Variants in TG observed in about 807,000 individuals in gnomAD.
TG encodes the protein thyroid hormones.
A neutral mutation model predicts 324.7 loss-of-function variants in TG; 270 were observed. The ratio of observed to expected loss-of-function variants is 0.83; its 90% CI spans 0.75 to 0.92. The LOEUF (loss-of-function observed/expected upper bound fraction) is 0.92, where lower values mean the gene tolerates loss of function less well. Ranked by LOEUF, TG falls within the 40% of genes least tolerant of loss-of-function variation. The pLI is 0.00. For synonymous variants in TG, 1,401 were observed against 1,327.0 expected (o/e 1.06, Z -1.21); for missense variants, 3,591 against 3,456.4 (o/e 1.04, Z -0.98).
intron 41 of TG, among the ~76,000 whole-genome samples, chr8:133,082,745 A>C (rs954772826): frequency 6.6e-6 from 1 of 152,252 alleles, no homozygotes; most frequent in Non-Finnish European, 1.5e-5. Context: ...AGGATCTGTA[A>C]CAGCATTATG....
Position 133,029,875 on chromosome 8 carries a change from C to G in TG, c.7091C>G (p.Thr2364Ser), listed in dbSNP as rs761682079. 3 of 1,614,226 alleles carry G rather than the reference C, an allele frequency of 1.9e-6. No individual in the cohort carries two copies. Among genetic ancestry groups the G allele is most frequent in the South Asian group, 2.2e-5 (2 of 91,086 alleles). Residue 2364 changes from threonine (T) to serine (S), a missense_variant, in exon 41 of 48, where the codon ACC becomes AGC. Thr to Ser is a moderately conservative substitution (Grantham distance 58). Coordinates refer to ENST00000220616, the MANE Select transcript of TG (RefSeq NM_003235.5). ...WGLLDQVAAL[T>S]WVQTHIRGFG... ...CTGCTGGACCAGGTGGCGGCTCTGA[C>G]CTGGGTGCAGACCCACATCCGAGGA...
chr8:132,897,751 G>A lies in TG; in HGVS notation c.3104G>A (p.Gly1035Glu). ...TACATGCCACAGTGTGATGCGTTTG[G>A]AAGTTGGGAGCCTGTGCAGTGCCAC... ...GPYMPQCDAF[G>E]SWEPVQCHAG... is the part of the protein sequence containing the mutation. The change falls in exon 12 of 48, where the codon GGA (glycine) becomes GAA (glutamate). Residue 1035 changes from glycine to glutamate, a missense_variant. Transcript: ENST00000220616. The A allele has an allele frequency of 6.2e-7, 1 of 1,614,236 alleles. No individual in the cohort carries two copies. The highest frequency in any genetic ancestry group is 8.5e-7 in the Non-Finnish European group (1 of 1,180,042).
At chr8:133,032,813 A>T (rs1836754090) in intron 41 of TG, among the ~76,000 whole-genome samples, 1 of 152,240 alleles carries the variant, frequency 6.6e-6, no homozygotes, top group Admixed American at 6.5e-5. Flanking sequence ...ACCTGTATTC[A>T]TTCAGCACAT....
intron 26 of TG, among the ~76,000 whole-genome samples, chr8:132,948,125 G>A (rs1209131883): frequency 4.6e-5 from 7 of 152,054 alleles, no homozygotes; most frequent in Admixed American, 3.3e-4. Context: ...TTCCTAACAG[G>A]GAAATATGTG....
rs759207295 is a variant in TG, at chr8:133,012,040, G to A, written c.6397+5G>A. The A allele has an allele frequency of 1.2e-6, 2 of 1,614,170 alleles. No homozygotes were observed. Among genetic ancestry groups the A allele is most frequent in the Non-Finnish European group, 1.7e-6 (2 of 1,180,020 alleles). ...TCCGAGACCTCTGTTTGTCGGGTAA[G>A]GGGAGTTTCCAACCCACAGGTTGGG... On this transcript the variant is annotated splice_donor_5th_base_variant and intron_variant, in intron 36 of 47. Coordinates refer to ENST00000220616, the MANE Select transcript of TG (RefSeq NM_003235.5).
At chr8:132,990,254 A>C (rs1832146800) in intron 35 of TG, among the ~76,000 whole-genome samples, 1 of 151,670 alleles carries the variant, frequency 6.6e-6, no homozygotes, top group Non-Finnish European at 1.5e-5. Context: ...TTATTAAGGT[A>C]AAGAGTTTGC....
intron 41 of TG, among the ~76,000 whole-genome samples, chr8:133,056,124 A>T (rs2702968): frequency 0.53 from 79,872 of 151,996 alleles, 21,273 homozygotes; most frequent in Admixed American, 0.63. Flanking sequence ...GTCTCCTTTG[A>T]CATAGTTGAC....
intron 27 of TG, among the ~76,000 whole-genome samples, chr8:132,951,760 G>A (rs1246840669): frequency 1.3e-5 from 2 of 152,142 alleles, no homozygotes; most frequent in African/African-American, 4.8e-5. Flanking sequence ...AAGGCAACAG[G>A]GCACAGATAT....
chr8:133,066,905 T>G (rs563816930), intron 41 of TG, among the ~76,000 whole-genome samples: 2 of 152,266 alleles, frequency 1.3e-5, no homozygotes, highest in East Asian at 3.9e-4. Context: ...TGTGCAAGCT[T>G]GAGCAAGTAC....
chr8:132,916,071 G>T (rs1156790421), intron 20 of TG, among the ~76,000 whole-genome samples: 1 of 152,190 alleles, frequency 6.6e-6, no homozygotes, highest in Admixed American at 6.5e-5. Context: ...GAACCGAGGG[G>T]CCTATAGTGC....
intron 4 of TG, among the ~76,000 whole-genome samples, chr8:132,872,154 C>G (rs1839535831): frequency 6.6e-6 from 1 of 152,056 alleles, no homozygotes; most frequent in African/African-American, 2.4e-5. Context: ...ATAAAAGAGT[C>G]AAAAGTTTTA....
At position 132,901,352 on chromosome 8, in the gene TG, G is replaced by A; in HGVS notation, c.3434-1G>A. 1 of 1,614,120 alleles carries A rather than the reference G, an allele frequency of 6.2e-7. No homozygotes were observed. ...GCCCATCTGGCTTGTCTCTGTGTCA[G>A]GCCCAAGCCTCTGCAATGTGCTCAA... On this transcript the variant is annotated splice_acceptor_variant, in intron 15 of 47. Coordinates refer to ENST00000220616, the MANE Select transcript of TG (RefSeq NM_003235.5). LOFTEE classifies it high-confidence loss of function.
intron 5 of TG, among the ~76,000 whole-genome samples, chr8:132,876,910 C>A (rs1047606241): frequency 6.6e-6 from 1 of 152,228 alleles, no homozygotes; most frequent in Non-Finnish European, 1.5e-5. Flanking sequence ...TCTTAGCAAC[C>A]AGTCTAACTT....
chr8:132,937,923 T>A (rs1823843762), intron 25 of TG, among the ~76,000 whole-genome samples: 1 of 152,202 alleles, frequency 6.6e-6, no homozygotes, highest in Non-Finnish European at 1.5e-5. Flanking sequence ...TTTGCTTTTT[T>A]TGGTTTGTTT....
At chr8:133,092,756 C>A (rs7818576) in intron 41 of TG, among the ~76,000 whole-genome samples, 5,478 of 152,222 alleles carry the variant, frequency 0.036, 335 homozygotes, top group African/African-American at 0.13. Context: ...CTCCTGCCCC[C>A]GAGTGCTTTG....
chr8:133,090,407 C>T lies in TG; in HGVS notation c.7240-4637C>T, dbSNP rs1847306053. On this transcript the variant is annotated intron_variant, in intron 41 of 47. Transcript: ENST00000220616. ...CTGATTTAACTTCATAGTGCTGTGG[C>T]AGGACATAAATCAAGAGAGTGAGCA... 3.3e-5 allele frequency among the ~76,000 whole-genome samples: 5 copies of T among 152,284 alleles called. 1 individual carries two copies. In the South Asian group the frequency reaches 1.0e-3, roughly 32 times the overall value.
intron 43 of TG, chr8:133,106,608 C>A: frequency 6.9e-6 from 2 of 291,922 alleles, no homozygotes; most frequent in Non-Finnish European, 1.0e-5. Flanking sequence ...CATGTCTGAA[C>A]CCTACCCTCT....
At chr8:133,094,479 A>G in intron 41 of TG, 1 of 176,448 alleles carries the variant, frequency 5.7e-6, no homozygotes, top group Admixed American at 5.4e-5. Flanking sequence ...TGACCTTGTG[A>G]TCCGCCCACC....
chr8:133,047,803 G>C, intron 41 of TG: 1 of 1,252,082 alleles, frequency 8.0e-7, no homozygotes, highest in East Asian at 2.3e-5. Context: ...GCCCCGGATG[G>C]GGAAAGATGA....
Sources: gnomAD v4.1 joint callset for allele counts (sites outside exome capture counted in the v4.1 genomes callset) on GRCh38, gnomAD v4.1.1 for gene constraint, MANE v1.5 for transcripts, NCBI Gene and HGNC (gene_info 2026-07-23, HGNC 2026-07-21) for gene names.